The following FAM169A variants were observed in gnomAD, a reference collection of about 807,000 sequenced individuals.
The protein encoded by FAM169A is family with sequence similarity 169 member A, also known as soluble lamin-associated protein of 75 kDa.
In FAM169A, 24 loss-of-function variants were observed where a neutral mutation model predicts 75.7. That is an observed-to-expected ratio of 0.32 (90% CI 0.23 to 0.45). FAM169A has a LOEUF of 0.45. Among genes scored for constraint, FAM169A ranks in the 20% least tolerant of loss-of-function variants. The pLI is 1.00. For missense variants in FAM169A, 673 were observed against 784.0 expected, an observed-to-expected ratio of 0.86 and a Z score of 1.69; for synonymous variants, 271 against 271.0, an observed-to-expected ratio of 1.00 and a Z score of 0.00.
intron 1 of FAM169A, among the ~76,000 whole-genome samples, chr5:74,856,035 G>C (rs574325905): frequency 2.0e-5 from 3 of 152,200 alleles, no homozygotes; most frequent in Non-Finnish European, 4.4e-5. Context: ...TTATTAAAGA[G>C]ATTTTCCTTT....
intron 1 of FAM169A, chr5:74,865,601 A>T (rs1750280246): frequency 6.6e-6 from 1 of 152,454 alleles, no homozygotes; most frequent in Admixed American, 6.5e-5. Flanking sequence ...CACAATTAGG[A>T]CAAAACTGCA....
intron 4 of FAM169A, among the ~76,000 whole-genome samples, chr5:74,837,391 G>C (rs1748624303): frequency 6.6e-6 from 1 of 152,098 alleles, no homozygotes; most frequent in African/African-American, 2.4e-5. Flanking sequence ...CATTCTCCGA[G>C]CCTTCAGCAG....
Position 74,827,871 on chromosome 5 carries a change from G to T in FAM169A, c.490+6555C>A, listed in dbSNP as rs182401339. On this transcript the variant is annotated intron_variant, in intron 5 of 12. Transcript: ENST00000687041. Reference sequence around the variant, plus strand: ...TGTACAGACGGAGTTTCACCATGTCGTCTAGGCTCATCTTGAACTCCTGAC... The same window carrying T: ...TGTACAGACGGAGTTTCACCATGTCTTCTAGGCTCATCTTGAACTCCTGAC... Among the ~76,000 whole-genome samples, 39 of 151,906 alleles carry T rather than the reference G, an allele frequency of 2.6e-4. No homozygotes were observed. In the East Asian group the frequency reaches 7.2e-3, roughly 28 times the overall value.
intron 6 of FAM169A, among the ~76,000 whole-genome samples, chr5:74,809,700 T>G (rs1747074872): frequency 6.6e-6 from 1 of 152,146 alleles, no homozygotes; most frequent in Non-Finnish European, 1.5e-5. Context: ...TTTTTTAGGG[T>G]AGATGATTAT....
chr5:74,781,503 T>C lies in FAM169A; in HGVS notation c.1970A>G (p.Lys657Arg), dbSNP rs1423678658. ...CTTCTTAGCAGGTCCTTTATGCCCTTTGGCCTTTCTTCTTAAATTCCGCCT... is the reference window on the plus strand; with the variant it reads ...CTTCTTAGCAGGTCCTTTATGCCCTCTGGCCTTTCTTCTTAAATTCCGCCT... ...VDRRNLRRKA[K>R]GHKGPAKKKA... is the part of the protein sequence containing the mutation. Residue 657 changes from lysine to arginine, a missense_variant, in exon 13 of 13, where the codon AAA (lysine) becomes AGA (arginine). Physicochemically the swap from Lys to Arg is conservative, Grantham distance 26. This residue lies in a region of FAM169A where 510 missense variants were observed against 550.9 expected (regional missense o/e 0.93). Transcript: ENST00000687041. The C allele has an allele frequency of 1.9e-6, 3 of 1,614,090 alleles. No individual in the cohort carries two copies. Among genetic ancestry groups the C allele is most frequent in the East Asian group, 2.2e-5 (1 of 44,908 alleles).
intron 1 of FAM169A, 81 bp from the exon 2 acceptor site, chr5:74,841,760 A>G: frequency 1.6e-6 from 2 of 1,212,654 alleles, no homozygotes; most frequent in African/African-American, 1.5e-5. Flanking sequence ...ATTTTACTAC[A>G]ATGTTGCCAT....
chr5:74,799,440 T>C lies in FAM169A; in HGVS notation c.1103+1440A>G, dbSNP rs545092948. On this transcript the variant is annotated intron_variant, in intron 10 of 12. Transcript: ENST00000687041. ...TTCGCTCCACAGTCCTCAGCTTGGATTGGCATCCCAACAATGTTTTGCTGG... is the reference window on the plus strand; with the variant it reads ...TTCGCTCCACAGTCCTCAGCTTGGACTGGCATCCCAACAATGTTTTGCTGG... The C allele has an allele frequency of 7.0e-5, 113 of 1,612,926 alleles. 1 individual carries two copies. The South Asian group carries it at 1.0e-3, about 15-fold the overall frequency.
intron 11 of FAM169A, among the ~76,000 whole-genome samples, chr5:74,785,398 C>T (rs771669720): frequency 2.0e-5 from 3 of 152,160 alleles, no homozygotes; most frequent in Admixed American, 6.5e-5. Context: ...TTAAAAAATA[C>T]GTGCTTTTAA....
intron 5 of FAM169A, among the ~76,000 whole-genome samples, chr5:74,814,875 A>G (rs560030026): frequency 2.6e-5 from 4 of 152,290 alleles, no homozygotes; most frequent in Admixed American, 2.6e-4. Context: ...ATCAGTCATT[A>G]TTCTATTATT....
chr5:74,819,911 G>T (rs6885078), intron 5 of FAM169A, among the ~76,000 whole-genome samples: 3,371 of 152,126 alleles, frequency 0.022, 122 homozygotes, highest in African/African-American at 0.077. Flanking sequence ...TTTCTTTAGC[G>T]GAGGGATGAA....
intron 1 of FAM169A, among the ~76,000 whole-genome samples, chr5:74,847,038 G>T (rs542021602): frequency 6.6e-6 from 1 of 152,244 alleles, no homozygotes; most frequent in South Asian, 2.1e-4. Context: ...AGTGTCAAGT[G>T]CCGGTATCAC....
chr5:74,793,093 G>A (rs962161972), intron 11 of FAM169A, among the ~76,000 whole-genome samples: 3 of 152,016 alleles, frequency 2.0e-5, no homozygotes, highest in East Asian at 1.9e-4. Context: ...TTGGGAGGCC[G>A]AGGTGGGTGG....
rs765693571 is a variant in FAM169A, at chr5:74,840,126, T to C, written c.180A>G (p.Gly60=). The change falls in exon 3 of 13, where the codon GGA becomes GGG. Residue 60 remains glycine, a synonymous_variant. Coordinates refer to ENST00000687041, the MANE Select transcript of FAM169A (RefSeq NM_001376049.1). ...GAGCAAGAATTTTCTGGGTCTGATC[T>C]CCACCATAAAGAGGTACAAAGCCTA... ...SNVGFVPLYG[G]DQTQKILALF... 1.2e-6 allele frequency: 2 copies of C among 1,602,452 alleles called. No homozygotes were observed. The highest frequency in any genetic ancestry group is 4.5e-5 in the East Asian group (2 of 44,472).
At chr5:74,849,178 A>C (rs1749312585) in intron 1 of FAM169A, among the ~76,000 whole-genome samples, 1 of 152,226 alleles carries the variant, frequency 6.6e-6, no homozygotes, top group Non-Finnish European at 1.5e-5. Context: ...AAGAGATCTA[A>C]GATCATGAGC....
At chr5:74,782,076 T>C (rs768722935) in intron 12 of FAM169A, 68 bp from the exon 13 acceptor site, 66 of 1,196,706 alleles carry the variant, frequency 5.5e-5, no homozygotes, top group Non-Finnish European at 7.7e-5. Flanking sequence ...TCTCAGGCTC[T>C]AATATGCAGT....
chr5:74,805,594 G>A (rs906341713), intron 6 of FAM169A, among the ~76,000 whole-genome samples: 3 of 138,620 alleles, frequency 2.2e-5, no homozygotes, highest in East Asian at 2.2e-4. Flanking sequence ...GCAGTGGCGC[G>A]ATCTCGGCTC....
In FAM169A at chr5:74,819,026, C is replaced by T. The variant is rs1395047649; in HGVS notation, c.491-5007G>A. Among the ~76,000 whole-genome samples the T allele has an allele frequency of 2.6e-5, 4 of 152,154 alleles. No individual in the cohort carries two copies. In the East Asian group the frequency reaches 7.7e-4, roughly 29 times the overall value. ...CCTGTGGTCAGGAGTTCAAGACCGGCGTGGCCAACATGGCAAAACCCGTCT... is the reference window on the plus strand; with the variant it reads ...CCTGTGGTCAGGAGTTCAAGACCGGTGTGGCCAACATGGCAAAACCCGTCT... On this transcript the variant is annotated intron_variant, in intron 5 of 12. Transcript: ENST00000687041.
At chr5:74,802,882 GAATA>G (rs1246611391) in intron 8 of FAM169A, among the ~76,000 whole-genome samples, 1 of 151,800 alleles carries the variant, frequency 6.6e-6, no homozygotes, top group Admixed American at 6.6e-5. Context: ...AGATAAAGAT[GAATA>G]AATAAAAGGT....
At chr5:74,866,769 G>T, upstream of FAM169A, 1 of 985,510 alleles carries the variant, frequency 1.0e-6, no homozygotes, top group South Asian at 4.7e-5. Context: ...GATTCTGTTC[G>T]CATAGCCCGG....
Sources: allele counts gnomAD v4.1 joint callset (sites outside exome capture counted in the v4.1 genomes callset), GRCh38; gene constraint gnomAD v4.1.1; regional missense constraint gnomAD v4.1.1; transcripts MANE v1.5; gene names NCBI Gene and HGNC (gene_info 2026-07-23, HGNC 2026-07-21).